Variants in YTHDC2 observed in about 807,000 individuals in gnomAD.
YTHDC2 encodes 3'-5' RNA helicase YTHDC2.
Under a neutral mutation model 174.9 loss-of-function variants are expected in YTHDC2, and 45 were observed. That is an observed-to-expected ratio of 0.26 (90% CI 0.20 to 0.33). The LOEUF is 0.33. Among genes scored for constraint, YTHDC2 ranks in the 10% least tolerant of loss-of-function variants. The pLI, the probability that YTHDC2 is intolerant of heterozygous loss-of-function variation, is 1.00. For missense variants in YTHDC2, 1,650 were observed against 1,723.7 expected, an observed-to-expected ratio of 0.96 and a Z score of 0.76; for synonymous variants, 657 against 574.5, an observed-to-expected ratio of 1.14 and a Z score of -2.05.
chr5:113,585,017 G>A (rs1402222388), intron 26 of YTHDC2, among the ~76,000 whole-genome samples: 1 of 151,998 alleles, frequency 6.6e-6, no homozygotes, highest in African/African-American at 2.4e-5. Context: ...CTGGGCTCAA[G>A]TGATCTTCCC....
At chr5:113,545,361 TG>T (rs1554096009) in intron 10 of YTHDC2, among the ~76,000 whole-genome samples, 1 of 7,792 alleles carries the variant, frequency 1.3e-4, no homozygotes, top group Non-Finnish European at 3.4e-4. Flanking sequence ...TATTCTTTTT[TG>T]TTTTGTTTTG....
At chr5:113,566,600 G>A (rs1220949158) in intron 21 of YTHDC2, among the ~76,000 whole-genome samples, 1 of 151,872 alleles carries the variant, frequency 6.6e-6, no homozygotes, top group Non-Finnish European at 1.5e-5. Flanking sequence ...GTAATATAAG[G>A]AATGAACCAG....
chr5:113,548,427 C>A, intron 10 of YTHDC2, 114 bp from the exon 11 acceptor site: 1 of 1,017,068 alleles, frequency 9.8e-7, no homozygotes, highest in Non-Finnish European at 1.4e-6. Flanking sequence ...TAAGGAGCAA[C>A]TCTCAGGCTA....
At chr5:113,530,724 A>G (rs191301050) in intron 4 of YTHDC2, among the ~76,000 whole-genome samples, 2 of 152,242 alleles carry the variant, frequency 1.3e-5, no homozygotes, top group East Asian at 3.9e-4. Flanking sequence ...ACAAAAAATA[A>G]AAGTTAAAAA....
intron 17 of YTHDC2, 84 bp downstream of exon 17, chr5:113,556,218 C>G (rs1184593740): frequency 4.6e-6 from 3 of 658,400 alleles, no homozygotes; most frequent in Non-Finnish European, 7.4e-6. Flanking sequence ...TCATATATTC[C>G]ATGTTCAATA....
intron 25 of YTHDC2, 27 bp from the exon 26 acceptor site, chr5:113,584,275 A>C: frequency 6.3e-7 from 1 of 1,590,332 alleles, no homozygotes; most frequent in Non-Finnish European, 8.6e-7. Flanking sequence ...TATATAACTG[A>C]TCTTTGCTTC....
At chr5:113,561,425 G>GAT (rs1042656634) in intron 18 of YTHDC2, among the ~76,000 whole-genome samples, 8 of 150,422 alleles carry the variant, frequency 5.3e-5, no homozygotes, top group African/African-American at 1.2e-4. Flanking sequence ...AGTTTTAAAG[G>GAT]ATATATATAT....
At chr5:113,589,408 A>AAAAATATATATATATATATAT (rs368975720) in intron 26 of YTHDC2, among the ~76,000 whole-genome samples, 1 of 123,244 alleles carries the variant, frequency 8.1e-6, no homozygotes, top group African/African-American at 3.4e-5. Flanking sequence ...AAAAAAAAAA[A>AAAAATATATATATATATATAT]ATATATATAT....
intron 21 of YTHDC2, 50 bp downstream of exon 21, chr5:113,566,069 C>T (rs1020974958): frequency 1.3e-6 from 2 of 1,499,642 alleles, no homozygotes; most frequent in Non-Finnish European, 1.8e-6. Flanking sequence ...GAGTACCCTG[C>T]CCATATTTCA....
At chr5:113,559,914 A>G (rs1165458382) in intron 17 of YTHDC2, among the ~76,000 whole-genome samples, 10 of 152,220 alleles carry the variant, frequency 6.6e-5, no homozygotes, top group African/African-American at 2.4e-4. Context: ...GGTCATGGCA[A>G]CAGTTTTTTG....
At chr5:113,546,111 G>A (rs190250611) in intron 10 of YTHDC2, among the ~76,000 whole-genome samples, 48 of 152,096 alleles carry the variant, frequency 3.2e-4, no homozygotes, top group Non-Finnish European at 4.7e-4. Context: ...GTTTTCTTGC[G>A]TTCTTTCTTT....
chr5:113,532,054 A>C (rs1432019286), intron 4 of YTHDC2, among the ~76,000 whole-genome samples: 1 of 152,260 alleles, frequency 6.6e-6, no homozygotes, highest in Non-Finnish European at 1.5e-5. Flanking sequence ...ATCAAGCAAC[A>C]ACATCAATAA....
chr5:113,518,141 G>A (rs1773600837), intron 2 of YTHDC2, among the ~76,000 whole-genome samples: 1 of 150,664 alleles, frequency 6.6e-6, no homozygotes. Context: ...GCCCGCCTTG[G>A]CCTCCCAAAG....
intron 13 of YTHDC2, 86 bp downstream of exon 13, chr5:113,553,445 C>T (rs528943984): frequency 4.9e-6 from 7 of 1,421,080 alleles, no homozygotes; most frequent in African/African-American, 2.9e-5. Flanking sequence ...TATATAATTG[C>T]ACTGATAGTA....
Position 113,561,257 on chromosome 5 carries a change from G to T in YTHDC2, c.2322+72G>T, listed in dbSNP as rs1049211159. Reference sequence around the variant, plus strand: ...GTGAGGGGCCATTTCAACTTCTATGGATTAGGCCTTTAAAAAATCAATTTG... The same window carrying T: ...GTGAGGGGCCATTTCAACTTCTATGTATTAGGCCTTTAAAAAATCAATTTG... On this transcript the variant is annotated intron_variant, in intron 18 of 29. Coordinates refer to ENST00000161863, the MANE Select transcript of YTHDC2 (RefSeq NM_022828.5). The T allele has an allele frequency of 8.4e-5, 95 of 1,135,500 alleles. No homozygotes were observed. The African/African-American group carries it at 1.3e-3, about 15-fold the overall frequency. 70.3% of individuals were successfully genotyped at this position (1,135,500 alleles called of 1,614,324 possible). A position where few individuals can be genotyped will look rare whatever the true frequency, so the allele number is the denominator to read the frequency against.
At position 113,525,150 on chromosome 5, in the gene YTHDC2, A is replaced by G; in HGVS notation, c.448A>G (p.Arg150Gly). 1 of 1,601,860 alleles carries G rather than the reference A, an allele frequency of 6.2e-7. No individual in the cohort carries two copies. The highest frequency in any genetic ancestry group is 1.3e-5 in the African/African-American group (1 of 74,346). ...TACAGAACTTCTGCCTAAAACAGAA[A>G]GAGGAAATGTGTTTGCAGTTGAAGC... ...ERTELLPKTE[R>G]GNVFAVEAEN... The change falls in exon 3 of 30, where the codon AGA becomes GGA. Residue 150 changes from arginine to glycine, a missense_variant. Physicochemically the swap from Arg to Gly is moderately radical, Grantham distance 125. Around this residue, in one of 5 missense-constraint regions of YTHDC2, gnomAD observed 304 missense variants for 341.4 expected, o/e 0.89. Coordinates refer to ENST00000161863, the MANE Select transcript of YTHDC2 (RefSeq NM_022828.5).
chr5:113,574,165 G>T (rs531779307), intron 23 of YTHDC2, among the ~76,000 whole-genome samples: 2 of 152,278 alleles, frequency 1.3e-5, no homozygotes, highest in Non-Finnish European at 2.9e-5. Context: ...TGTTGATGTT[G>T]TTGTTGTTTT....
In YTHDC2 at chr5:113,554,031, G is replaced by T; in HGVS notation, c.2133+9G>T. 1 of 1,512,062 alleles carries T rather than the reference G, an allele frequency of 6.6e-7. No homozygotes were observed. The highest frequency in any genetic ancestry group is 8.8e-7 in the Non-Finnish European group (1 of 1,130,418). 93.7% of individuals were successfully genotyped at this position (1,512,062 alleles called of 1,614,324 possible). A position where few individuals can be genotyped will look rare whatever the true frequency, so the allele number is the denominator to read the frequency against. ...CTGGTAAGGTGAAAGAGGTATGTAT[G>T]GGTAAGTTGTAGTTTTACTTAAATG... On this transcript the variant is annotated intron_variant, in intron 16 of 29. Transcript: ENST00000161863.
At chr5:113,569,879 CTG>C (rs1777601267) in intron 23 of YTHDC2, among the ~76,000 whole-genome samples, 1 of 151,636 alleles carries the variant, frequency 6.6e-6, no homozygotes, top group South Asian at 2.1e-4. Context: ...TCTGTGAAGA[CTG>C]TCAGTATAAT....
Sources: gnomAD v4.1 joint callset for allele counts (sites outside exome capture counted in the v4.1 genomes callset) on GRCh38, gnomAD v4.1.1 for gene constraint, gnomAD v4.1.1 regional missense constraint, MANE v1.5 for transcripts, NCBI Gene and HGNC (gene_info 2026-07-23, HGNC 2026-07-21) for gene names.